FERRY3: variants seen among roughly 807,000 people sequenced by gnomAD.
FERRY3 encodes FERRY endosomal RAB5 effector complex subunit 3.
chr12:4,498,093 G>A, the FERRY3 span, among the ~76,000 whole-genome samples: 1 of 152,170 alleles, frequency 6.6e-6, no homozygotes, highest in African/African-American at 2.4e-5. Context: ...TTAATGTTCT[G>A]CAGCTGGCCT....
chr12:4,521,229 T>C, the FERRY3 span, among the ~76,000 whole-genome samples: 1 of 151,834 alleles, frequency 6.6e-6, no homozygotes, highest in East Asian at 1.9e-4. Flanking sequence ...TGTGGTGGCA[T>C]ACGCCTGTAA....
At chr12:4,504,137 G>A in the FERRY3 span, among the ~76,000 whole-genome samples, 1 of 152,200 alleles carries the variant, frequency 6.6e-6, no homozygotes, top group African/African-American at 2.4e-5. Context: ...CTAACAGACG[G>A]GGCCTGACAA....
At chr12:4,523,264 CATT>C in the FERRY3 span, among the ~76,000 whole-genome samples, 3 of 152,172 alleles carry the variant, frequency 2.0e-5, no homozygotes, top group Non-Finnish European at 4.4e-5. Flanking sequence ...ACAATAAAAA[CATT>C]ATTTCCTAGG....
the FERRY3 span, chr12:4,508,835 A>G: frequency 3.3e-5 from 5 of 152,240 alleles, no homozygotes; most frequent in Admixed American, 6.5e-5. Flanking sequence ...TACATGAAAT[A>G]TAAGAAAAAC....
At chr12:4,510,606 A>C in the FERRY3 span, among the ~76,000 whole-genome samples, 12 of 151,474 alleles carry the variant, frequency 7.9e-5, no homozygotes, top group Admixed American at 1.3e-4. Flanking sequence ...TTCTTAAAGA[A>C]AAGAATCTTC....
the FERRY3 span, among the ~76,000 whole-genome samples, chr12:4,532,128 G>A: frequency 7.4e-6 from 1 of 134,900 alleles, no homozygotes; most frequent in African/African-American, 2.9e-5. Context: ...TATCCCTCAT[G>A]TTAATGTATT....
chr12:4,501,532 C>G, the FERRY3 span, among the ~76,000 whole-genome samples: 186 of 152,252 alleles, frequency 1.2e-3, no homozygotes, highest in African/African-American at 4.2e-3. Context: ...CCTGTCAGAT[C>G]AGTGGCAGCA....
chr12:4,523,847 A>C, the FERRY3 span, among the ~76,000 whole-genome samples: 1 of 152,200 alleles, frequency 6.6e-6, no homozygotes, highest in Non-Finnish European at 1.5e-5. Flanking sequence ...ATTAGGAGAT[A>C]CACCTAATGT....
At chr12:4,530,164 TTATA>T in the FERRY3 span, 3 of 867,882 alleles carry the variant, frequency 3.5e-6, no homozygotes, top group Middle Eastern at 2.2e-4. Context: ...AAAGACCCTC[TTATA>T]TATATATGTG....
the FERRY3 span, among the ~76,000 whole-genome samples, chr12:4,494,252 G>T: frequency 6.6e-6 from 1 of 151,944 alleles, no homozygotes. Flanking sequence ...GCTCAGAGAG[G>T]TACAGCGAAT....
At chr12:4,505,500 G>T in the FERRY3 span, 2 of 673,680 alleles carry the variant, frequency 3.0e-6, no homozygotes, top group South Asian at 1.8e-5. Context: ...TATGTGCCAG[G>T]CATTCTGCTA....
the FERRY3 span, among the ~76,000 whole-genome samples, chr12:4,503,271 G>A: frequency 6.6e-6 from 1 of 152,286 alleles, no homozygotes; most frequent in Non-Finnish European, 1.5e-5. Flanking sequence ...GTAGAAAAAG[G>A]ACCAGATTGG....
At chr12:4,522,506 T>C in the FERRY3 span, among the ~76,000 whole-genome samples, 1 of 152,224 alleles carries the variant, frequency 6.6e-6, no homozygotes, top group African/African-American at 2.4e-5. Flanking sequence ...AATGTCTAAA[T>C]AGCAATATTG....
At chr12:4,524,289 G>C in the FERRY3 span, among the ~76,000 whole-genome samples, 7 of 152,102 alleles carry the variant, frequency 4.6e-5, no homozygotes, top group African/African-American at 1.7e-4. Context: ...TGGAAAATAA[G>C]GGATGTAGAA....
chr12:4,516,726 T>A, the FERRY3 span, among the ~76,000 whole-genome samples: 1 of 152,032 alleles, frequency 6.6e-6, no homozygotes, highest in Non-Finnish European at 1.5e-5. Context: ...GGGAAGAACA[T>A]CAGGAAGAAT....
At chr12:4,521,318 C>T in the FERRY3 span, among the ~76,000 whole-genome samples, 1 of 151,978 alleles carries the variant, frequency 6.6e-6, no homozygotes, top group Non-Finnish European at 1.5e-5. Context: ...AAGATCGCGG[C>T]ATTGTAGGCA....
the FERRY3 span, among the ~76,000 whole-genome samples, chr12:4,519,578 C>T: frequency 1.3e-5 from 2 of 152,268 alleles, no homozygotes; most frequent in Middle Eastern, 3.4e-3. This position sits in a 1 kb window ranked among gnomAD's most constrained non-coding sequence, Gnocchi z 4.3. Context: ...TCCCAACAGC[C>T]CCATTAGACT....
the FERRY3 span, among the ~76,000 whole-genome samples, chr12:4,511,064 A>G: frequency 6.7e-6 from 1 of 148,962 alleles, no homozygotes; most frequent in Non-Finnish European, 1.5e-5. Flanking sequence ...GCAAATGGAA[A>G]ACAAAAAAAG....
At chr12:4,509,641 G>T in the FERRY3 span, among the ~76,000 whole-genome samples, 1 of 143,504 alleles carries the variant, frequency 7.0e-6, no homozygotes, top group Non-Finnish European at 1.5e-5. Context: ...GGGGTACACT[G>T]ACACCTCACA....
Sources: gnomAD v4.1 joint callset for allele counts (sites outside exome capture counted in the v4.1 genomes callset) on GRCh38, gnomAD v4.1.1 for gene constraint, Gnocchi (gnomAD v3.1) non-coding constraint, MANE v1.5 for transcripts, NCBI Gene and HGNC (gene_info 2026-07-23, HGNC 2026-07-21) for gene names.